Variants in CHRNA7 observed in about 807,000 individuals in gnomAD.
CHRNA7 encodes cholinergic receptor nicotinic alpha 7 subunit.
CHRNA7 carries 17 observed loss-of-function variants against 48.0 expected under a neutral mutation model. The ratio of observed to expected loss-of-function variants is 0.35; its 90% CI spans 0.24 to 0.53. CHRNA7 has a LOEUF of 0.53. Among genes scored for constraint, CHRNA7 ranks in the 20% least tolerant of loss-of-function variants. The pLI, the probability that CHRNA7 is intolerant of heterozygous loss-of-function variation, is 0.92. For synonymous variants in CHRNA7, 75 were observed against 242.3 expected (o/e 0.31, Z 6.41); for missense variants, 155 against 577.7 (o/e 0.27, Z 7.50).
At chr15:32,095,692 C>G (rs57845061) in intron 2 of CHRNA7, among the ~76,000 whole-genome samples, 1 of 152,112 alleles carries the variant, frequency 6.6e-6, no homozygotes, top group Non-Finnish European at 1.5e-5. Flanking sequence ...AGGGAAATAA[C>G]GTCTAACCAT....
chr15:32,108,849 AG>A (rs975577690), intron 3 of CHRNA7, among the ~76,000 whole-genome samples: 1 of 152,184 alleles, frequency 6.6e-6, no homozygotes, highest in Non-Finnish European at 1.5e-5. Flanking sequence ...CCTGTGAGGC[AG>A]GGTACATGTA....
chr15:32,125,031 A>G (rs1158095939), intron 4 of CHRNA7, among the ~76,000 whole-genome samples: 1 of 152,210 alleles, frequency 6.6e-6, no homozygotes, highest in East Asian at 1.9e-4. Flanking sequence ...ACTGCTTTCA[A>G]CTGCCGGGTG....
At chr15:32,144,441 C>T (rs905306065) in intron 4 of CHRNA7, among the ~76,000 whole-genome samples, 1 of 152,086 alleles carries the variant, frequency 6.6e-6, no homozygotes, top group Admixed American at 6.6e-5. Context: ...CTCTGTATTT[C>T]CTGAATTTGA....
chr15:32,085,926 C>T (rs2050288159), intron 2 of CHRNA7, among the ~76,000 whole-genome samples: 1 of 152,054 alleles, frequency 6.6e-6, no homozygotes, highest in South Asian at 2.1e-4. Flanking sequence ...TCGTTGTTAC[C>T]CTGTGGATAA....
At chr15:32,052,822 G>T (rs1288500330) in intron 2 of CHRNA7, among the ~76,000 whole-genome samples, 1 of 152,140 alleles carries the variant, frequency 6.6e-6, no homozygotes, top group African/African-American at 2.4e-5. Context: ...GTATAGTAGA[G>T]AAATTATAGT....
intron 3 of CHRNA7, among the ~76,000 whole-genome samples, chr15:32,106,974 G>C (rs960081550): frequency 6.6e-6 from 1 of 152,168 alleles, no homozygotes; most frequent in Non-Finnish European, 1.5e-5. Flanking sequence ...GGCTTGCTTA[G>C]GGCTGTGATG....
At chr15:32,114,085 T>TAC (rs1194574375) in intron 4 of CHRNA7, among the ~76,000 whole-genome samples, 19 of 138,298 alleles carry the variant, frequency 1.4e-4, no homozygotes, top group African/African-American at 4.1e-4. Context: ...TACACATACA[T>TAC]ACATACACAC....
intron 2 of CHRNA7, among the ~76,000 whole-genome samples, chr15:32,071,400 A>G (rs2050055851): frequency 6.6e-6 from 1 of 152,186 alleles, no homozygotes; most frequent in South Asian, 2.1e-4. Flanking sequence ...CAGTTTGTGA[A>G]TATGTCTGTT....
intron 2 of CHRNA7, among the ~76,000 whole-genome samples, chr15:32,055,746 G>A (rs1379435420): frequency 4.6e-5 from 7 of 152,244 alleles, no homozygotes; most frequent in Admixed American, 6.5e-5. Flanking sequence ...TTGGGAGGCC[G>A]AGGCGGGCGG....
intron 2 of CHRNA7, among the ~76,000 whole-genome samples, chr15:32,050,483 G>C (rs2049648176): frequency 6.6e-6 from 1 of 152,122 alleles, no homozygotes; most frequent in Admixed American, 6.6e-5. Flanking sequence ...TCGAGCCTTG[G>C]CTTTCAGCTC....
rs71651702 is a variant in CHRNA7 at position 32,163,266 on chromosome 15, G to A, written c.921G>A (p.Ser307=). 0.049 allele frequency: 38,559 copies of A among 782,660 alleles called. 16,324 individuals carry two copies. The highest frequency in any genetic ancestry group is 0.089 in the Middle Eastern group (197 of 2,206). The allele number at this position is 782,660 out of a possible 1,614,324, so 48.5% of individuals were successfully genotyped here. ...FASTMIIVGL[S]VVVTVIVLQY... The stretch of plus-strand genomic sequence containing the variant: ...GCACCATGATCATCGTGGGCCTCTC[G>A]GTGGTGGTGACAGTGATCGTGCTGC... The change falls in exon 9 of 10, where the codon TCG becomes TCA. Residue 307 remains serine, a synonymous_variant. Transcript: ENST00000306901.
chr15:32,049,201 T>C (rs1427415488), intron 2 of CHRNA7, among the ~76,000 whole-genome samples: 1 of 152,026 alleles, frequency 6.6e-6, no homozygotes, highest in African/African-American at 2.4e-5. Context: ...TGGGTATCCT[T>C]GTTAACTTTC....
chr15:32,099,143 G>A (rs8035668), intron 2 of CHRNA7: 121,602 of 152,218 alleles, frequency 0.8, 48,737 homozygotes, highest in East Asian at 0.93. Flanking sequence ...CAGAAAGTCC[G>A]GTGTGAAGAT....
At chr15:32,140,437 A>G (rs2051357520) in intron 4 of CHRNA7, among the ~76,000 whole-genome samples, 1 of 152,238 alleles carries the variant, frequency 6.6e-6, no homozygotes. Flanking sequence ...GTATATACCC[A>G]GTAATGGGAT....
intron 4 of CHRNA7, among the ~76,000 whole-genome samples, chr15:32,148,710 C>T (rs1186849953): frequency 1.3e-5 from 2 of 152,216 alleles, no homozygotes; most frequent in Non-Finnish European, 2.9e-5. Context: ...CCTGGGGGGC[C>T]AAGCAGTGGT....
intron 2 of CHRNA7, among the ~76,000 whole-genome samples, chr15:32,083,407 T>G (rs2050246566): frequency 1.3e-5 from 2 of 151,786 alleles, no homozygotes; most frequent in African/African-American, 2.4e-5. Context: ...CCTCCAGAAC[T>G]GTGAGAAATA....
At chr15:32,040,351 T>C (rs986022462) in intron 2 of CHRNA7, among the ~76,000 whole-genome samples, 1 of 152,126 alleles carries the variant, frequency 6.6e-6, no homozygotes, top group African/African-American at 2.4e-5. Flanking sequence ...TATGGTTTAG[T>C]TGGACATTTT....
chr15:32,074,821 GTA>G (rs2141223794), intron 2 of CHRNA7, among the ~76,000 whole-genome samples: 1 of 151,878 alleles, frequency 6.6e-6, no homozygotes, highest in African/African-American at 2.4e-5. Context: ...CTAATTTTTT[GTA>G]GTTTCATTAG....
intron 4 of CHRNA7, among the ~76,000 whole-genome samples, chr15:32,132,963 A>C (rs1034031108): frequency 3.9e-5 from 6 of 152,216 alleles, no homozygotes; most frequent in Admixed American, 6.5e-5. Flanking sequence ...AATCAGCCTG[A>C]TCATTTTTCA....
Sources: gnomAD v4.1 joint callset for allele counts (sites outside exome capture counted in the v4.1 genomes callset) on GRCh38, gnomAD v4.1.1 for gene constraint, MANE v1.5 for transcripts, NCBI Gene and HGNC (gene_info 2026-07-23, HGNC 2026-07-21) for gene names.